The following BCAT1 variants were observed in gnomAD, a reference collection of about 807,000 sequenced individuals.
The protein encoded by BCAT1 is branched chain amino acid transaminase 1.
BCAT1 carries 48 observed loss-of-function variants against 52.4 expected under a neutral mutation model. The ratio of observed to expected loss-of-function variants is 0.92; its 90% CI spans 0.73 to 1.16. The LOEUF (loss-of-function observed/expected upper bound fraction) is 1.16, where lower values mean the gene tolerates loss of function less well. Among genes scored for constraint, BCAT1 ranks in the 50% most tolerant of loss-of-function variants. The probability of loss-of-function intolerance (pLI) is 0.00; values close to 1 mark genes in which losing one functional copy is unlikely to be tolerated. For synonymous variants in BCAT1, 167 were observed against 161.3 expected (o/e 1.04, Z -0.27); for missense variants, 451 against 457.1 (o/e 0.99, Z 0.12).
At chr12:24,943,851 G>T (rs577503327) in intron 1 of BCAT1, among the ~76,000 whole-genome samples, 1 of 152,202 alleles carries the variant, frequency 6.6e-6, no homozygotes, top group South Asian at 2.1e-4. Context: ...GGGCGTGGTG[G>T]CGGGCGCCTG....
intron 1 of BCAT1, among the ~76,000 whole-genome samples, chr12:24,940,206 A>G (rs1943827821): frequency 6.6e-6 from 1 of 152,236 alleles, no homozygotes; most frequent in African/African-American, 2.4e-5. Context: ...AAGTTAATAT[A>G]AGGCACTTTT....
intron 7 of BCAT1, among the ~76,000 whole-genome samples, chr12:24,836,893 GA>G: frequency 2.3e-5 from 1 of 42,818 alleles, no homozygotes; most frequent in East Asian, 1.1e-3. Flanking sequence ...AAGAAAGAAA[GA>G]AAGAAAAGAA....
chr12:24,823,218 ATTTGTTTGTTTG>A (rs34858948), intron 10 of BCAT1, among the ~76,000 whole-genome samples: 80,100 of 150,712 alleles, frequency 0.53, 21,639 homozygotes, highest in East Asian at 0.66. Flanking sequence ...TGCCCGATTA[ATTTGTTTGTTTG>A]TTTGTTTGTT....
At chr12:24,947,477 G>C (rs1305131790) in intron 1 of BCAT1, among the ~76,000 whole-genome samples, 2 of 152,184 alleles carry the variant, frequency 1.3e-5, no homozygotes, top group Non-Finnish European at 2.9e-5. Context: ...TCAAGCTTGT[G>C]ATAGCAATAC....
chr12:24,902,806 G>T, intron 1 of BCAT1: 1 of 1,208,548 alleles, frequency 8.3e-7, no homozygotes, highest in Non-Finnish European at 1.1e-6. Flanking sequence ...AAGGGAAGAC[G>T]CCTCGCTGGA....
chr12:24,913,671 T>A (rs961658708), intron 1 of BCAT1, among the ~76,000 whole-genome samples: 4 of 152,110 alleles, frequency 2.6e-5, no homozygotes, highest in Admixed American at 2.6e-4. Context: ...GAGAGCCACG[T>A]AGAAATATGA....
chr12:24,849,861 TTAAAGGTTCCACTTGAAAA>T lies in BCAT1; in HGVS notation c.580_598del (p.Phe194IlefsTer12), dbSNP rs773521865. ...GGGATTGGCCCACAGGGACACTGGA[TTAAAGGTTCCACTTGAAAA>T]ATAAGGTCCCACTGGGCTCAAGAGT... On this transcript the variant is annotated frameshift_variant, in exon 6 of 11. Coordinates refer to ENST00000261192, the MANE Select transcript of BCAT1 (RefSeq NM_005504.7). LOFTEE classifies it high-confidence loss of function. The T allele has an allele frequency of 1.9e-6, 3 of 1,613,832 alleles. No individual in the cohort carries two copies. Among genetic ancestry groups the T allele is most frequent in the Non-Finnish European group, 2.5e-6 (3 of 1,179,806 alleles).
chr12:24,944,577 T>C (rs1486237369), intron 1 of BCAT1, among the ~76,000 whole-genome samples: 1 of 152,222 alleles, frequency 6.6e-6, no homozygotes, highest in East Asian at 1.9e-4. Flanking sequence ...TGTCCCAGGC[T>C]TCCTAAGTCT....
intron 3 of BCAT1, among the ~76,000 whole-genome samples, chr12:24,882,743 C>T (rs781027499): frequency 3.3e-5 from 5 of 151,750 alleles, no homozygotes; most frequent in African/African-American, 4.8e-5. Flanking sequence ...GGACTACAGG[C>T]GCGCACCACC....
intron 3 of BCAT1, among the ~76,000 whole-genome samples, chr12:24,884,950 G>A (rs1942616520): frequency 1.3e-5 from 2 of 150,622 alleles, no homozygotes; most frequent in South Asian, 4.2e-4. Context: ...TTCCCTAAGT[G>A]ACAAAGGATA....
At chr12:24,840,745 T>C (rs188498733) in intron 7 of BCAT1, among the ~76,000 whole-genome samples, 2 of 152,360 alleles carry the variant, frequency 1.3e-5, no homozygotes, top group East Asian at 3.9e-4. Flanking sequence ...CCTCTTTTTG[T>C]AGCCAAATAA....
chr12:24,898,979 A>G (rs1001042394), intron 2 of BCAT1, among the ~76,000 whole-genome samples: 3 of 152,240 alleles, frequency 2.0e-5, no homozygotes, highest in Non-Finnish European at 2.9e-5. Context: ...CTTAGGCACT[A>G]TGTTCATCTT....
At chr12:24,941,320 G>C (rs1035148335) in intron 1 of BCAT1, among the ~76,000 whole-genome samples, 3 of 152,196 alleles carry the variant, frequency 2.0e-5, no homozygotes, top group African/African-American at 7.2e-5. Context: ...GCAGCTATAT[G>C]AGTCTGGCAA....
chr12:24,929,581 A>G (rs551847280), intron 1 of BCAT1, among the ~76,000 whole-genome samples: 3 of 152,334 alleles, frequency 2.0e-5, no homozygotes, highest in Non-Finnish European at 4.4e-5. Flanking sequence ...ATCACCAGGG[A>G]GAAGATTGGA....
At chr12:24,823,320 C>T (rs1420649906) in intron 10 of BCAT1, among the ~76,000 whole-genome samples, 1 of 152,164 alleles carries the variant, frequency 6.6e-6, no homozygotes, top group Non-Finnish European at 1.5e-5. Context: ...GCAATTCTCA[C>T]GTCTCAGTCT....
chr12:24,949,052 C>CT lies in BCAT1; in HGVS notation c.-121dup. 6.8e-6 allele frequency: 7 copies of CT among 1,028,264 alleles called. No individual in the cohort carries two copies. The highest frequency in any genetic ancestry group is 1.0e-5 in the Non-Finnish European group (7 of 693,606). The allele number at this position is 1,028,264 out of a possible 1,614,324, so 63.7% of individuals were successfully genotyped here. A position where few individuals can be genotyped will look rare whatever the true frequency, so the allele number is the denominator to read the frequency against. ...AGCGCGGTCCCGGCTGCAGCAAGAC[C>CT]TGGGGCAGTGCCCGAGGCGGCGGCG... On this transcript the variant is annotated 5_prime_UTR_variant, in exon 1 of 11. Transcript: ENST00000261192.
intron 1 of BCAT1, among the ~76,000 whole-genome samples, chr12:24,926,965 A>G (rs1030793185): frequency 1.2e-4 from 18 of 152,224 alleles, no homozygotes; most frequent in African/African-American, 4.3e-4. Flanking sequence ...TAAAAAAAAA[A>G]AAACTGCAGA....
chr12:24,908,090 A>T (rs931896856), intron 1 of BCAT1, among the ~76,000 whole-genome samples: 1 of 152,374 alleles, frequency 6.6e-6, no homozygotes, highest in African/African-American at 2.4e-5. Flanking sequence ...AAAGTTTAGA[A>T]TATAATAGAC....
At chr12:24,900,679 G>A (rs117624319) in intron 2 of BCAT1, among the ~76,000 whole-genome samples, 13,703 of 152,208 alleles carry the variant, frequency 0.09, 675 homozygotes, top group African/African-American at 0.12. Context: ...GGTGGCTCAC[G>A]CCTGCAATCC....
Sources: allele counts gnomAD v4.1 joint callset (sites outside exome capture counted in the v4.1 genomes callset), GRCh38; gene constraint gnomAD v4.1.1; transcripts MANE v1.5; gene names NCBI Gene and HGNC (gene_info 2026-07-23, HGNC 2026-07-21).